The following CBFB variants were observed in gnomAD, a reference collection of about 807,000 sequenced individuals.
CBFB encodes the protein core-binding factor subunit beta.
A neutral mutation model predicts 30.4 loss-of-function variants in CBFB; 9 were observed. That is an observed-to-expected ratio of 0.30 (90% confidence interval 0.18 to 0.52). The LOEUF is 0.52. CBFB is among the 20% of genes least tolerant of loss of function. The probability of loss-of-function intolerance (pLI) is 0.97; values close to 1 mark genes in which losing one functional copy is unlikely to be tolerated. For synonymous variants in CBFB, 94 were observed against 84.0 expected (o/e 1.12, Z -0.65); for missense variants, 170 against 244.0 (o/e 0.70, Z 2.02).
intron 2 of CBFB, among the ~76,000 whole-genome samples, chr16:67,031,702 G>C (rs1454131315): frequency 2.6e-5 from 4 of 152,042 alleles, no homozygotes; most frequent in East Asian, 1.9e-4. Context: ...TAGTAGAGAC[G>C]GGGTTTCACC....
At position 67,098,923 on chromosome 16, in the gene CBFB, A is replaced by C. The variant is rs76848151; in HGVS notation, c.*145A>C. The C allele has an allele frequency of 1.1e-4, 64 of 573,944 alleles. No individual in the cohort carries two copies. The highest frequency in any genetic ancestry group is 1.9e-4 in the Admixed American group (6 of 30,842). 35.6% of individuals were successfully genotyped at this position (573,944 alleles called of 1,614,324 possible). On this transcript the variant is annotated 3_prime_UTR_variant, in exon 6 of 6. Coordinates refer to ENST00000412916, the MANE Select transcript of CBFB (RefSeq NM_022845.3). ...AACCTTAGGCAGTAATAGACATCAC[A>C]AACTGCCATGGTTTTGCACTATGAT...
At position 67,075,742 on chromosome 16, in the gene CBFB, C is replaced by T. The variant is rs536007285; in HGVS notation, c.400-6471C>T. 2.6e-5 allele frequency among the ~76,000 whole-genome samples: 4 copies of T among 152,054 alleles called. No individual in the cohort carries two copies. In the South Asian group the frequency reaches 6.2e-4, roughly 24 times the overall value. On this transcript the variant is annotated intron_variant, in intron 4 of 5. Transcript: ENST00000412916. ...CATTAACAGTGAAATTTATAAAGTG[C>T]GTGGTCACACAAATACACTGAGAAT... is the stretch of plus-strand genomic sequence containing the variant.
intron 3 of CBFB, among the ~76,000 whole-genome samples, chr16:67,043,157 A>G (rs1966560476): frequency 6.6e-6 from 1 of 152,146 alleles, no homozygotes; most frequent in Non-Finnish European, 1.5e-5. Flanking sequence ...CCCACATTCA[A>G]CAGGGAGGGA....
intron 3 of CBFB, among the ~76,000 whole-genome samples, chr16:67,066,390 A>G (rs8058555): frequency 2.1e-5 from 3 of 140,810 alleles, no homozygotes; most frequent in Admixed American, 7.1e-5. Flanking sequence ...TCTACTAAAA[A>G]TACAAAAAAA....
chr16:67,044,979 A>G (rs1966596593), intron 3 of CBFB, among the ~76,000 whole-genome samples: 1 of 152,184 alleles, frequency 6.6e-6, no homozygotes, highest in African/African-American at 2.4e-5. Context: ...AATTGACAGC[A>G]CTTAGTTATT....
intron 4 of CBFB, among the ~76,000 whole-genome samples, chr16:67,078,672 G>T (rs555297186): frequency 1.6e-3 from 241 of 152,226 alleles, no homozygotes; most frequent in African/African-American, 5.5e-3. Context: ...TTTTGAAATG[G>T]AGTTTCGCTC....
chr16:67,034,931 C>A (rs139534653), intron 2 of CBFB, among the ~76,000 whole-genome samples: 26 of 152,192 alleles, frequency 1.7e-4, no homozygotes, highest in African/African-American at 5.8e-4. Flanking sequence ...CTGTTTTAAG[C>A]ACTTTACAAA....
At position 67,100,750 on chromosome 16, in the gene CBFB, T is replaced by TG. The variant is rs1385139441; in HGVS notation, c.*1973dup. On this transcript the variant is annotated 3_prime_UTR_variant, in exon 6 of 6. Coordinates refer to ENST00000412916, the MANE Select transcript of CBFB (RefSeq NM_022845.3). ...TTAAATGTTCCTGTTACCATCCTAA[T>TG]GTAAATACTGGATTTTTCTGTCATT... is the stretch of plus-strand genomic sequence containing the variant. 5 of 217,640 alleles carry TG rather than the reference T, an allele frequency of 2.3e-5. No individual in the cohort carries two copies. The highest frequency in any genetic ancestry group is 1.9e-4 in the South Asian group (1 of 5,380). 13.5% of individuals were successfully genotyped at this position (217,640 alleles called of 1,614,324 possible).
At chr16:67,036,600 T>C (rs374541201) in intron 2 of CBFB, 39 bp from the exon 3 acceptor site, 8 of 1,116,190 alleles carry the variant, frequency 7.2e-6, no homozygotes, top group Non-Finnish European at 1.1e-5. Context: ...TTATGTAATG[T>C]CCTGCTCCTG....
At chr16:67,090,475 T>A (rs1373817144) in intron 5 of CBFB, among the ~76,000 whole-genome samples, 2 of 152,190 alleles carry the variant, frequency 1.3e-5, no homozygotes, top group Admixed American at 1.3e-4. Context: ...TATAACTAAT[T>A]CAAATGTCTT....
At chr16:67,085,529 C>G (rs1030278842) in intron 5 of CBFB, among the ~76,000 whole-genome samples, 1 of 150,220 alleles carries the variant, frequency 6.7e-6, no homozygotes, top group African/African-American at 2.5e-5. Context: ...GGGTCTCACT[C>G]TGTTGCCCAG....
intron 4 of CBFB, among the ~76,000 whole-genome samples, chr16:67,076,165 G>A (rs1484375906): frequency 3.9e-5 from 6 of 152,120 alleles, no homozygotes; most frequent in Non-Finnish European, 8.8e-5. Context: ...GGGAGGCAGA[G>A]GTTGCAGTGA....
chr16:67,045,640 CTCT>C (rs1261795761), intron 3 of CBFB, among the ~76,000 whole-genome samples: 1 of 152,176 alleles, frequency 6.6e-6, no homozygotes, highest in African/African-American at 2.4e-5. Flanking sequence ...GTCCCGTTTT[CTCT>C]TCTTTTGGAT....
intron 3 of CBFB, among the ~76,000 whole-genome samples, chr16:67,038,386 A>G (rs1567604860): frequency 6.6e-6 from 1 of 151,836 alleles, no homozygotes; most frequent in Non-Finnish European, 1.5e-5. Flanking sequence ...ATGTATATAC[A>G]TATATATGTA....
At chr16:67,029,527 C>T (rs1489274929) in intron 1 of CBFB, 42 bp downstream of exon 1, 3 of 1,543,308 alleles carry the variant, frequency 1.9e-6, no homozygotes, top group Non-Finnish European at 2.6e-6. Context: ...GCAGCGCGCC[C>T]CGAGTGGGCC....
At chr16:67,037,139 C>T (rs1966453935) in intron 3 of CBFB, among the ~76,000 whole-genome samples, 1 of 152,058 alleles carries the variant, frequency 6.6e-6, no homozygotes, top group African/African-American at 2.4e-5. Flanking sequence ...CCTTGTGATC[C>T]GCCCACCTCT....
At chr16:67,067,898 T>C (rs1049460820) in intron 4 of CBFB, among the ~76,000 whole-genome samples, 5 of 152,214 alleles carry the variant, frequency 3.3e-5, no homozygotes, top group African/African-American at 1.2e-4. Context: ...AAGTAGACCC[T>C]ACTAAGATTA....
intron 5 of CBFB, among the ~76,000 whole-genome samples, chr16:67,092,903 G>T (rs1961937943): frequency 6.6e-6 from 1 of 151,538 alleles, no homozygotes. Context: ...AGTAGAGATG[G>T]GGTTTCACCG....
intron 4 of CBFB, among the ~76,000 whole-genome samples, chr16:67,070,570 C>T (rs371149776): frequency 1.3e-5 from 2 of 151,938 alleles, no homozygotes; most frequent in Non-Finnish European, 2.9e-5. Flanking sequence ...AGTATTTTGA[C>T]AGGGTGCAGT....
Sources: gnomAD v4.1 joint callset for allele counts (sites outside exome capture counted in the v4.1 genomes callset) on GRCh38, gnomAD v4.1.1 for gene constraint, MANE v1.5 for transcripts, NCBI Gene and HGNC (gene_info 2026-07-23, HGNC 2026-07-21) for gene names.